The following OPCML variants were observed in gnomAD, a reference collection of about 807,000 sequenced individuals.
OPCML encodes opioid-binding protein/cell adhesion molecule.
Under a neutral mutation model 37.8 loss-of-function variants are expected in OPCML, and 13 were observed. The observed-to-expected ratio is 0.34, with a 90% CI of 0.22 to 0.55. The LOEUF is 0.55. OPCML is among the 20% of genes least tolerant of loss of function. The pLI, the probability that OPCML is intolerant of heterozygous loss-of-function variation, is 0.91. For missense variants in OPCML, 341 were observed against 435.6 expected (o/e 0.78, Z 1.93); for synonymous variants, 176 against 168.8 (o/e 1.04, Z -0.33).
intron 2 of OPCML, among the ~76,000 whole-genome samples, chr11:132,736,773 C>G (rs541671064): frequency 2.6e-5 from 4 of 152,218 alleles, no homozygotes; most frequent in Non-Finnish European, 4.4e-5. Context: ...CCAGGTAAGC[C>G]CTTATGACCA....
intron 2 of OPCML, among the ~76,000 whole-genome samples, chr11:132,786,373 C>T (rs1387357482): frequency 3.3e-5 from 5 of 152,000 alleles, no homozygotes; most frequent in African/African-American, 9.7e-5. Context: ...AAAACTAAAA[C>T]GAAAAGAAAT....
chr11:133,324,760 G>A (rs1456787054), intron 1 of OPCML, among the ~76,000 whole-genome samples: 1 of 152,058 alleles, frequency 6.6e-6, no homozygotes, highest in East Asian at 1.9e-4. Context: ...GGACATCAAT[G>A]CCAATACTTT....
chr11:133,046,241 T>A (rs1948012585), intron 1 of OPCML, among the ~76,000 whole-genome samples: 2 of 152,210 alleles, frequency 1.3e-5, no homozygotes, highest in Non-Finnish European at 2.9e-5. Flanking sequence ...TCAATGCCTT[T>A]GAAAATTTTC....
intron 2 of OPCML, among the ~76,000 whole-genome samples, chr11:132,800,741 T>C (rs1938595014): frequency 6.6e-6 from 1 of 152,218 alleles, no homozygotes; most frequent in Non-Finnish European, 1.5e-5. Context: ...CTTTCATGCT[T>C]GGGACAAATT....
intron 1 of OPCML, among the ~76,000 whole-genome samples, chr11:132,944,292 C>T (rs1333709689): frequency 6.6e-6 from 1 of 152,190 alleles, no homozygotes; most frequent in South Asian, 2.1e-4. Flanking sequence ...CCGATGCCAG[C>T]GCAGAAGTTG....
intron 4 of OPCML, among the ~76,000 whole-genome samples, chr11:132,479,234 T>C (rs944641800): frequency 6.6e-6 from 1 of 152,136 alleles, no homozygotes; most frequent in Admixed American, 6.5e-5. Context: ...GTCAGGGAGT[T>C]CCCTTTCCTA....
chr11:132,788,601 TATC>T (rs1937669325), intron 2 of OPCML, among the ~76,000 whole-genome samples: 1 of 152,222 alleles, frequency 6.6e-6, no homozygotes, highest in South Asian at 2.1e-4. Context: ...CATCATGTGA[TATC>T]ATCACACTCA....
chr11:133,267,395 G>A (rs747251212), intron 1 of OPCML, among the ~76,000 whole-genome samples: 17 of 152,124 alleles, frequency 1.1e-4, no homozygotes, highest in Non-Finnish European at 1.8e-4. Context: ...ATCACTCCGA[G>A]CCTCAGTTTT....
intron 4 of OPCML, among the ~76,000 whole-genome samples, chr11:132,489,952 G>A (rs1156711949): frequency 1.3e-5 from 2 of 152,028 alleles, no homozygotes; most frequent in African/African-American, 4.8e-5. Flanking sequence ...TTGGTTTTCT[G>A]TTATTGTATT....
chr11:133,015,395 T>TGAAGGAAGGAAGGAAGGAAGGAAGGAAG lies in OPCML; in HGVS notation c.62-72413_62-72386dup, dbSNP rs1212156985. Reference sequence around the variant, plus strand: ...ATGAAGGAAGGAAGGAAGGAAGGAATGAAGGAAGGAAGGAAGGAAGGAAGG... The same window carrying TGAAGGAAGGAAGGAAGGAAGGAAGGAAG: ...ATGAAGGAAGGAAGGAAGGAAGGAATGAAGGAAGGAAGGAAGGAAGGAAGGAAGGAAGGAAGGAAGGAAGGAAGGAAGG... On this transcript the variant is annotated intron_variant, in intron 1 of 7. Transcript: ENST00000524381. Among the ~76,000 whole-genome samples the TGAAGGAAGGAAGGAAGGAAGGAAGGAAG allele has an allele frequency of 1.1e-3, 78 of 68,228 alleles. 1 individual carries two copies. Among genetic ancestry groups the TGAAGGAAGGAAGGAAGGAAGGAAGGAAG allele is most frequent in the Non-Finnish European group, 1.6e-3 (56 of 35,534 alleles). The allele number at this position is 68,228 out of a possible 152,430, so 44.8% of individuals were successfully genotyped here.
chr11:133,270,042 C>G (rs1305806616), intron 1 of OPCML, among the ~76,000 whole-genome samples: 1 of 152,158 alleles, frequency 6.6e-6, no homozygotes, highest in Non-Finnish European at 1.5e-5. Flanking sequence ...ACATTGGAAT[C>G]TAATTCTCAC....
intron 2 of OPCML, among the ~76,000 whole-genome samples, chr11:132,673,200 T>A (rs943112379): frequency 2.0e-5 from 3 of 152,178 alleles, no homozygotes; most frequent in Non-Finnish European, 2.9e-5. Flanking sequence ...GCACAGTTAA[T>A]GTCCGCTCAT....
At chr11:132,599,983 C>G (rs1208181583) in intron 3 of OPCML, among the ~76,000 whole-genome samples, 2 of 152,114 alleles carry the variant, frequency 1.3e-5, no homozygotes, top group Non-Finnish European at 2.9e-5. Flanking sequence ...TGTTATAGAG[C>G]TCTCCAGAAT....
At chr11:133,496,792 G>A (rs898409639) in intron 1 of OPCML, among the ~76,000 whole-genome samples, 4 of 152,182 alleles carry the variant, frequency 2.6e-5, no homozygotes, top group African/African-American at 9.7e-5. Context: ...AGTTCTAGGA[G>A]CTTTCTGGAG....
intron 1 of OPCML, among the ~76,000 whole-genome samples, chr11:133,404,667 G>A (rs1945488619): frequency 6.6e-6 from 1 of 152,202 alleles, no homozygotes; most frequent in South Asian, 2.1e-4. Flanking sequence ...CATAAACCAA[G>A]TATCACGGGA....
At chr11:132,879,855 A>G (rs1031857245) in intron 2 of OPCML, among the ~76,000 whole-genome samples, 3 of 152,258 alleles carry the variant, frequency 2.0e-5, no homozygotes, top group African/African-American at 7.2e-5. Flanking sequence ...AATACAAACA[A>G]AAACATACAT....
chr11:133,022,361 AC>A (rs1325557614), intron 1 of OPCML, among the ~76,000 whole-genome samples: 1 of 152,174 alleles, frequency 6.6e-6, no homozygotes, highest in African/African-American at 2.4e-5. Flanking sequence ...ACCAATCAAC[AC>A]ATTAAACATG....
chr11:133,038,296 G>T (rs1338532403), intron 1 of OPCML, among the ~76,000 whole-genome samples: 1 of 152,098 alleles, frequency 6.6e-6, no homozygotes, highest in Non-Finnish European at 1.5e-5. Flanking sequence ...TTATAGCTCG[G>T]GTGGGACACT....
At chr11:132,441,701 T>A (rs1592179761) in intron 4 of OPCML, among the ~76,000 whole-genome samples, 3 of 152,322 alleles carry the variant, frequency 2.0e-5, no homozygotes, top group African/African-American at 7.2e-5. Context: ...TGAGGCTGTT[T>A]CCATGGAAAG....
Sources: gnomAD v4.1 joint callset for allele counts (sites outside exome capture counted in the v4.1 genomes callset) on GRCh38, gnomAD v4.1.1 for gene constraint, MANE v1.5 for transcripts, NCBI Gene and HGNC (gene_info 2026-07-23, HGNC 2026-07-21) for gene names.